ADAMTS14: variants seen among roughly 807,000 people sequenced by gnomAD.
The protein encoded by ADAMTS14 is A disintegrin and metalloproteinase with thrombospondin motifs 14.
In ADAMTS14, 100 loss-of-function variants were observed where a neutral mutation model predicts 128.6. The observed-to-expected ratio is 0.78, with a 90% confidence interval of 0.66 to 0.92. The LOEUF (loss-of-function observed/expected upper bound fraction) is 0.92. Ranked by LOEUF, ADAMTS14 falls within the 40% of genes least tolerant of loss-of-function variation. The pLI is 0.00. For synonymous variants in ADAMTS14, 665 were observed against 653.8 expected, an observed-to-expected ratio of 1.02 and a Z score of -0.26; for missense variants, 1,562 against 1,658.6, an observed-to-expected ratio of 0.94 and a Z score of 1.01.
rs556267988 is a variant in ADAMTS14, at chr10:70,707,637, T to A, written c.680-951T>A. Reference sequence around the variant, plus strand: ...GCATAGATGGTAATGTTTCAAAGCATGGGCTTTTGATTCAGACAGACCCAC... The same window carrying A: ...GCATAGATGGTAATGTTTCAAAGCAAGGGCTTTTGATTCAGACAGACCCAC... On this transcript the variant is annotated intron_variant, in intron 3 of 21. Transcript: ENST00000373207. 8.5e-5 allele frequency among the ~76,000 whole-genome samples: 13 copies of A among 152,346 alleles called. No homozygotes were observed. In the East Asian group the frequency reaches 2.5e-3, roughly 29 times the overall value.
intron 1 of ADAMTS14, among the ~76,000 whole-genome samples, chr10:70,674,075 C>T (rs1051175339): frequency 3.7e-4 from 56 of 152,234 alleles, no homozygotes; most frequent in Admixed American, 2.2e-3. Flanking sequence ...CCCATGGTCC[C>T]CTGGGTTTCT....
chr10:70,730,852 A>C (rs1564543522), intron 6 of ADAMTS14, among the ~76,000 whole-genome samples: 1 of 152,196 alleles, frequency 6.6e-6, no homozygotes, highest in African/African-American at 2.4e-5. Context: ...TTTGATACCC[A>C]TATGGGGAAA....
At chr10:70,695,724 G>A (rs1433774682) in intron 2 of ADAMTS14, among the ~76,000 whole-genome samples, 1 of 152,246 alleles carries the variant, frequency 6.6e-6, no homozygotes, top group African/African-American at 2.4e-5. Flanking sequence ...TCCAAAGTTT[G>A]AGATGACCAG....
intron 2 of ADAMTS14, among the ~76,000 whole-genome samples, chr10:70,675,527 TTA>T (rs1402870012): frequency 1.3e-5 from 2 of 152,146 alleles, no homozygotes; most frequent in Non-Finnish European, 2.9e-5. Flanking sequence ...GCGGCTGCTA[TTA>T]TGTCTTGTAA....
At chr10:70,708,826 G>GGGCCCC in intron 4 of ADAMTS14, 48 bp downstream of exon 4, 29 of 396,580 alleles carry the variant, frequency 7.3e-5, no homozygotes, top group East Asian at 2.8e-4. Context: ...GGTGGGGTGG[G>GGGCCCC]CCCCACCCCA....
chr10:70,730,510 T>C (rs1342324801), intron 6 of ADAMTS14, among the ~76,000 whole-genome samples: 2 of 152,186 alleles, frequency 1.3e-5, no homozygotes, highest in Non-Finnish European at 1.5e-5. Flanking sequence ...CTGTGCTTAA[T>C]GTCCCAGAGC....
At chr10:70,723,158 A>AGGTT (rs1841323783) in intron 4 of ADAMTS14, among the ~76,000 whole-genome samples, 1 of 152,112 alleles carries the variant, frequency 6.6e-6, no homozygotes, top group Admixed American at 6.5e-5. Flanking sequence ...CCATGAGAAA[A>AGGTT]CCATCAGACG....
chr10:70,760,092 C>T (rs1842569827), intron 21 of ADAMTS14, among the ~76,000 whole-genome samples: 1 of 72,752 alleles, frequency 1.4e-5, no homozygotes, highest in South Asian at 7.3e-4. Flanking sequence ...TGCCAGCAAG[C>T]TTCCAGGTGA....
At chr10:70,679,554 A>G (rs1339767617) in intron 2 of ADAMTS14, among the ~76,000 whole-genome samples, 1 of 152,112 alleles carries the variant, frequency 6.6e-6, no homozygotes, top group African/African-American at 2.4e-5. Context: ...CTGCATGCTC[A>G]CTGTGCCCAT....
At position 70,744,311 on chromosome 10, in the gene ADAMTS14, C is replaced by T. The variant is rs2132716004; in HGVS notation, c.2182+122C>T. The T allele has an allele frequency of 3.8e-6, 5 of 1,309,324 alleles. No homozygotes were observed. The South Asian group carries it at 7.8e-5, about 21-fold the overall frequency. 81.1% of individuals were successfully genotyped at this position (1,309,324 alleles called of 1,614,324 possible). The stretch of plus-strand genomic sequence containing the variant: ...GGTGGGGAGAAGGGGCCCTGGGGCC[C>T]ATCTCCAGGCCTTCCTGGGCTGCCC... On this transcript the variant is annotated intron_variant, in intron 14 of 21. Coordinates refer to ENST00000373207, the MANE Select transcript of ADAMTS14 (RefSeq NM_080722.4).
chr10:70,715,373 C>G (rs1589291736), intron 4 of ADAMTS14, among the ~76,000 whole-genome samples: 1 of 152,074 alleles, frequency 6.6e-6, no homozygotes, highest in African/African-American at 2.4e-5. Context: ...ATGACCTGTG[C>G]CAGCTCCTAC....
At chr10:70,749,698 G>A (rs1842292723) in intron 15 of ADAMTS14, 124 bp from the exon 16 acceptor site, 1 of 1,255,444 alleles carries the variant, frequency 8.0e-7, no homozygotes, top group Non-Finnish European at 1.1e-6. Flanking sequence ...GCTTGGGTGG[G>A]AAGGAAAGGC....
intron 4 of ADAMTS14, among the ~76,000 whole-genome samples, chr10:70,716,645 C>T (rs143894877): frequency 8.5e-5 from 13 of 152,326 alleles, no homozygotes; most frequent in African/African-American, 3.1e-4. Flanking sequence ...TAACAGCTTG[C>T]CTTTGCATTC....
Position 70,735,286 on chromosome 10 carries a change from C to T in ADAMTS14, c.1470C>T (p.Tyr490=), listed in dbSNP as rs770192483. ...GCCGCTTTGACTTTGGCAGTGGCTA[C>T]CAGACCTGCTTGGCAGTAAGTAGCC... ...EQCRFDFGSG[Y]QTCLAFRTFE... The change falls in exon 9 of 22, where the codon TAC becomes TAT. Residue 490 remains tyrosine (Y), a synonymous_variant. Coordinates refer to ENST00000373207, the MANE Select transcript of ADAMTS14 (RefSeq NM_080722.4). The T allele has an allele frequency of 1.2e-6, 2 of 1,613,454 alleles. No homozygotes were observed. The highest frequency in any genetic ancestry group is 1.1e-5 in the South Asian group (1 of 90,982).
chr10:70,754,836 G>A (rs534763665), intron 19 of ADAMTS14, among the ~76,000 whole-genome samples: 15 of 152,334 alleles, frequency 9.8e-5, no homozygotes, highest in Admixed American at 1.3e-4. Flanking sequence ...TCAGGGTAGC[G>A]AAGGGGAGAT....
intron 11 of ADAMTS14, 50 bp downstream of exon 11, chr10:70,739,040 C>T (rs763355483): frequency 3.3e-5 from 52 of 1,556,266 alleles, no homozygotes; most frequent in East Asian, 6.8e-5. Flanking sequence ...CTCCCCAGGG[C>T]GGAGGGGCTT....
intron 19 of ADAMTS14, among the ~76,000 whole-genome samples, chr10:70,754,323 A>G (rs1842429948): frequency 6.6e-6 from 1 of 152,168 alleles, no homozygotes; most frequent in Non-Finnish European, 1.5e-5. Context: ...TGTATGCCAG[A>G]CCTTGTACTA....
Position 70,752,186 on chromosome 10 carries a change from C to T in ADAMTS14, c.2688C>T (p.Pro896=), listed in dbSNP as rs1564559470. ...HLCDHKKRPK[P]IRRRCNQHPC... is the part of the protein sequence containing the mutation. ...GTGACCACAAGAAGAGGCCCAAGCCCATCCGCCGGCGCTGCAACCAGCACC... is the reference window on the plus strand; with the variant it reads ...GTGACCACAAGAAGAGGCCCAAGCCTATCCGCCGGCGCTGCAACCAGCACC... The change falls in exon 18 of 22, where the codon CCC becomes CCT. Residue 896 remains proline (P), a synonymous_variant. Coordinates refer to ENST00000373207, the MANE Select transcript of ADAMTS14 (RefSeq NM_080722.4). The T allele has an allele frequency of 3.1e-6, 5 of 1,613,786 alleles. No individual in the cohort carries two copies. The Admixed American group carries it at 6.7e-5, about 22-fold the overall frequency.
chr10:70,673,005 C>G, intron 1 of ADAMTS14, 121 bp downstream of exon 1: 1 of 1,286,770 alleles, frequency 7.8e-7, no homozygotes. Flanking sequence ...TATGCACACT[C>G]TGGGCTGATT....
Sources: gnomAD v4.1 joint callset for allele counts (sites outside exome capture counted in the v4.1 genomes callset) on GRCh38, gnomAD v4.1.1 for gene constraint, MANE v1.5 for transcripts, NCBI Gene and HGNC (gene_info 2026-07-23, HGNC 2026-07-21) for gene names.